RTL1: variants seen among roughly 807,000 people sequenced by gnomAD.
The protein encoded by RTL1 is retrotransposon-like protein 1.
For synonymous variants in RTL1, 727 were observed against 748.4 expected (o/e 0.97, Z 0.47); for missense variants, 1,681 against 1,767.5 (o/e 0.95, Z 0.88).
chr14:100,884,643 C>A lies in RTL1; in HGVS notation c.146G>T (p.Ser49Ile). The A allele has an allele frequency of 6.2e-7, 1 of 1,613,520 alleles. No individual in the cohort carries two copies. Among genetic ancestry groups the A allele is most frequent in the South Asian group, 1.1e-5 (1 of 91,044 alleles). ...SGVRGEAGPA[S>I]GPAQEKKEPP... ...CTCCTTCTTTTCCTGGGCTGGGCCG[C>A]TGGCTGGCCCTGCCTCTCCCCGCAC... Residue 49 changes from serine (S) to isoleucine (I), a missense_variant, in exon 4 of 4, where the codon AGC (serine) becomes ATC (isoleucine). Transcript: ENST00000649591.
chr14:100,901,487 C>T (rs1168051591), intron 2 of RTL1, among the ~76,000 whole-genome samples: 1 of 152,214 alleles, frequency 6.6e-6, no homozygotes, highest in Non-Finnish European at 1.5e-5. Flanking sequence ...GTGTGGGCTG[C>T]ATTCATCAGC....
At chr14:100,900,764 G>A (rs1226383101) in intron 2 of RTL1, among the ~76,000 whole-genome samples, 1 of 152,202 alleles carries the variant, frequency 6.6e-6, no homozygotes, top group African/African-American at 2.4e-5. Flanking sequence ...CCTGTTCACA[G>A]AATTTCCCAT....
chr14:100,899,558 GC>G (rs1286766784), intron 2 of RTL1, among the ~76,000 whole-genome samples: 2 of 152,090 alleles, frequency 1.3e-5, no homozygotes, highest in Non-Finnish European at 2.9e-5. Flanking sequence ...CAGTGTTTGG[GC>G]TTTTGGTCCC....
At chr14:100,888,863 A>G (rs1208391368) in intron 3 of RTL1, among the ~76,000 whole-genome samples, 2 of 152,188 alleles carry the variant, frequency 1.3e-5, no homozygotes, top group Non-Finnish European at 2.9e-5. Flanking sequence ...AACATTAATC[A>G]CACCTCCTAG....
chr14:100,887,295 A>T (rs1351910709), intron 3 of RTL1, among the ~76,000 whole-genome samples: 1 of 152,190 alleles, frequency 6.6e-6, no homozygotes, highest in Non-Finnish European at 1.5e-5. Flanking sequence ...CCCTTGCAAG[A>T]TACACGAATT....
intron 3 of RTL1, among the ~76,000 whole-genome samples, chr14:100,886,713 T>G (rs940209476): frequency 5.5e-5 from 8 of 144,822 alleles, no homozygotes; most frequent in Non-Finnish European, 7.9e-5. Flanking sequence ...AAATTCTAAT[T>G]GAAATACAAA....
At position 100,881,104 on chromosome 14, in the gene RTL1, C is replaced by G; in HGVS notation, c.3685G>C (p.Asp1229His). 3 of 1,588,440 alleles carry G rather than the reference C, an allele frequency of 1.9e-6. No homozygotes were observed. Among genetic ancestry groups the G allele is most frequent in the Non-Finnish European group, 2.6e-6 (3 of 1,167,016 alleles). ...YLELHVVGDE[D>H]VVLREALQDD... is the part of the protein sequence containing the mutation. Reference sequence around the variant, plus strand: ...TGCAGGGCTTCTCGCAAGACGACATCCTCATCACCAACGACGTGCAGCTCC... The same window carrying G: ...TGCAGGGCTTCTCGCAAGACGACATGCTCATCACCAACGACGTGCAGCTCC... Residue 1229 changes from aspartate to histidine, a missense_variant, in exon 4 of 4, where the codon GAT becomes CAT. Physicochemically the swap from Asp to His is moderately conservative, Grantham distance 81. Coordinates refer to ENST00000649591, the MANE Select transcript of RTL1 (RefSeq NM_001134888.3). The surrounding 1 kb of genome is among the most constrained non-coding windows in gnomAD (Gnocchi z 6.6).
chr14:100,885,774 C>T (rs2038689555), intron 3 of RTL1, among the ~76,000 whole-genome samples: 1 of 152,144 alleles, frequency 6.6e-6, no homozygotes, highest in Non-Finnish European at 1.5e-5. Context: ...CACATCTGGC[C>T]TCAATTTCAC....
intron 3 of RTL1, among the ~76,000 whole-genome samples, chr14:100,890,297 G>T (rs974898694): frequency 4.6e-5 from 7 of 151,898 alleles, no homozygotes; most frequent in African/African-American, 1.5e-4. Flanking sequence ...GTCTATGAAG[G>T]GTTGGGTGTG....
chr14:100,895,069 C>T (rs2038836302), intron 2 of RTL1: 3 of 152,270 alleles, frequency 2.0e-5, no homozygotes, highest in Non-Finnish European at 1.5e-5. Flanking sequence ...TCCCACCTAA[C>T]AGCCCCTTTT....
intron 3 of RTL1, among the ~76,000 whole-genome samples, chr14:100,892,827 G>T (rs2038800168): frequency 6.6e-6 from 1 of 152,154 alleles, no homozygotes; most frequent in Non-Finnish European, 1.5e-5. Context: ...CTGAGTACCT[G>T]CTCTGTGTCA....
rs768135563 is a variant in RTL1, at chr14:100,880,555, T to C, written c.*157A>G. On this transcript the variant is annotated 3_prime_UTR_variant, in exon 4 of 4. Transcript: ENST00000649591. ...ACAGGTGGCATTGCTGGTTGATGAGTTGAAGAAGTTGTTGCCCTTCACAAG... is the reference window on the plus strand; with the variant it reads ...ACAGGTGGCATTGCTGGTTGATGAGCTGAAGAAGTTGTTGCCCTTCACAAG... 3 of 1,388,804 alleles carry C rather than the reference T, an allele frequency of 2.2e-6. No individual in the cohort carries two copies. The highest frequency in any genetic ancestry group is 1.9e-6 in the Non-Finnish European group (2 of 1,050,082). 86.0% of individuals were successfully genotyped at this position (1,388,804 alleles called of 1,614,324 possible).
intron 2 of RTL1, among the ~76,000 whole-genome samples, chr14:100,900,384 G>C (rs908010901): frequency 1.3e-5 from 2 of 152,184 alleles, no homozygotes; most frequent in African/African-American, 4.8e-5. Flanking sequence ...CTCCTCGGCC[G>C]CTGTGAACAA....
chr14:100,889,026 A>G (rs1426827376), intron 3 of RTL1, among the ~76,000 whole-genome samples: 1 of 152,150 alleles, frequency 6.6e-6, no homozygotes, highest in Non-Finnish European at 1.5e-5. Flanking sequence ...CGTAAAATAT[A>G]TTTTATCATG....
chr14:100,889,404 A>G (rs2038737850), intron 3 of RTL1, among the ~76,000 whole-genome samples: 1 of 152,188 alleles, frequency 6.6e-6, no homozygotes, highest in African/African-American at 2.4e-5. Flanking sequence ...CTCTACTTAA[A>G]CTATAAAGCT....
Position 100,882,133 on chromosome 14 carries a change from G to T in RTL1, c.2656C>A (p.Leu886Met). 1 of 1,553,872 alleles carries T rather than the reference G, an allele frequency of 6.4e-7. No homozygotes were observed. Among genetic ancestry groups the T allele is most frequent in the Non-Finnish European group, 8.7e-7 (1 of 1,148,472 alleles). ...YLETGVTGTA[L>M]HASLIQIDDQ... ...TCGATTTGGATCAGGGAGGCGTGCAGGGCCGTGCCGGTGACGCCGGTTTCC... is the reference window on the plus strand; with the variant it reads ...TCGATTTGGATCAGGGAGGCGTGCATGGCCGTGCCGGTGACGCCGGTTTCC... The change falls in exon 4 of 4, where the codon CTG (leucine) becomes ATG (methionine). Residue 886 changes from leucine (L) to methionine (M), a missense_variant. Transcript: ENST00000649591.
At chr14:100,898,489 C>G (rs1294152918) in intron 2 of RTL1, among the ~76,000 whole-genome samples, 2 of 152,188 alleles carry the variant, frequency 1.3e-5, no homozygotes, top group African/African-American at 2.4e-5. Context: ...GCATTTTGAC[C>G]TTGTTACTGT....
Position 100,893,614 on chromosome 14 carries a change from G to C in RTL1, c.-148-109C>G, listed in dbSNP as rs1026098312. 6.6e-6 allele frequency among the ~76,000 whole-genome samples: 1 copy of C among 152,206 alleles called. No individual in the cohort carries two copies. The highest frequency in any genetic ancestry group is 2.4e-5 in the African/African-American group (1 of 41,454). ...CACAGTGCACACACACAGTCTTCCAGCCTGCTCTGCTCGCGTGCCTTTCTG... is the reference window on the plus strand; with the variant it reads ...CACAGTGCACACACACAGTCTTCCACCCTGCTCTGCTCGCGTGCCTTTCTG... On this transcript the variant is annotated intron_variant, in intron 2 of 3. Transcript: ENST00000649591. The surrounding 1 kb of genome is among the most constrained non-coding windows in gnomAD (Gnocchi z 4.2).
chr14:100,882,401 G>A lies in RTL1; in HGVS notation c.2388C>T (p.Ile796=). 6.4e-7 allele frequency: 1 copy of A among 1,551,966 alleles called. No individual in the cohort carries two copies. The change falls in exon 4 of 4, where the codon ATC becomes ATT. Residue 796 remains isoleucine, a synonymous_variant. Transcript: ENST00000649591. ...GVKLNKNVMT[I]ITGYPTPGSK... ...AGCCAGGGGTAGGGTACCCTGTTATGATGGTCATGACGTTCTTGTTCAGTT... is the reference window on the plus strand; with the variant it reads ...AGCCAGGGGTAGGGTACCCTGTTATAATGGTCATGACGTTCTTGTTCAGTT...
Sources: gnomAD v4.1 joint callset for allele counts (sites outside exome capture counted in the v4.1 genomes callset) on GRCh38, gnomAD v4.1.1 for gene constraint, Gnocchi (gnomAD v3.1) non-coding constraint, MANE v1.5 for transcripts, NCBI Gene and HGNC (gene_info 2026-07-23, HGNC 2026-07-21) for gene names.